CTDSPL: variants seen among roughly 807,000 people sequenced by gnomAD.
CTDSPL encodes CTD small phosphatase like.
CTDSPL carries 8 observed loss-of-function variants against 30.5 expected under a neutral mutation model. That is an observed-to-expected ratio of 0.26 (90% CI 0.15 to 0.47). CTDSPL has a LOEUF of 0.47. Ranked by LOEUF, CTDSPL falls within the 20% of genes least tolerant of loss-of-function variation. CTDSPL has a pLI of 0.99. For missense variants in CTDSPL, 248 were observed against 366.1 expected, an observed-to-expected ratio of 0.68 and a Z score of 2.63; for synonymous variants, 110 against 137.9, an observed-to-expected ratio of 0.80 and a Z score of 1.42.
chr3:37,872,539 C>CTTTTTTTTTT (rs34657967), intron 1 of CTDSPL, among the ~76,000 whole-genome samples: 1 of 51,036 alleles, frequency 2.0e-5, no homozygotes, highest in Non-Finnish European at 3.9e-5. Flanking sequence ...TACTTAGGCT[C>CTTTTTTTTTT]TTTTTTTTTT....
At chr3:37,914,274 T>C (rs1198581447) in intron 1 of CTDSPL, among the ~76,000 whole-genome samples, 1 of 152,218 alleles carries the variant, frequency 6.6e-6, no homozygotes, top group African/African-American at 2.4e-5. Flanking sequence ...CTGTTTAGTT[T>C]AGGAATTTAT....
In CTDSPL at chr3:37,981,987, T is replaced by G; in HGVS notation, c.*1120T>G. 1 of 438,910 alleles carries G rather than the reference T, an allele frequency of 2.3e-6. No homozygotes were observed. The highest frequency in any genetic ancestry group is 2.4e-5 in the Admixed American group (1 of 40,954). The allele number at this position is 438,910 out of a possible 1,614,324, so 27.2% of individuals were successfully genotyped here. ...TCGGACAGGGTCAGAAACAGAGGTG[T>G]CCCATCCCATTGCAGCCTCCACCAC... On this transcript the variant is annotated 3_prime_UTR_variant, in exon 8 of 8. Coordinates refer to ENST00000273179, the MANE Select transcript of CTDSPL (RefSeq NM_001008392.2).
intron 3 of CTDSPL, among the ~76,000 whole-genome samples, chr3:37,958,302 G>A (rs1304837885): frequency 6.6e-6 from 1 of 152,232 alleles, no homozygotes; most frequent in Non-Finnish European, 1.5e-5. Context: ...GTGCCTGAGG[G>A]TTGGGTTTTG....
At chr3:37,928,627 G>A (rs1404664907) in intron 1 of CTDSPL, among the ~76,000 whole-genome samples, 6 of 152,026 alleles carry the variant, frequency 3.9e-5, no homozygotes, top group African/African-American at 1.4e-4. Context: ...TTTGGGTTGT[G>A]GTTTGGTTTT....
chr3:37,877,164 A>G (rs1698145043), intron 1 of CTDSPL, among the ~76,000 whole-genome samples: 1 of 152,074 alleles, frequency 6.6e-6, no homozygotes, highest in African/African-American at 2.4e-5. Flanking sequence ...ATTCATTAGT[A>G]TTAAGTACAT....
intron 4 of CTDSPL, among the ~76,000 whole-genome samples, chr3:37,967,336 CT>C (rs1157838424): frequency 1.3e-5 from 2 of 152,256 alleles, no homozygotes; most frequent in Non-Finnish European, 2.9e-5. Context: ...CCCACATGGC[CT>C]TGTTACTGTT....
At chr3:37,877,270 C>T in intron 1 of CTDSPL, among the ~76,000 whole-genome samples, 1 of 152,172 alleles carries the variant, frequency 6.6e-6, no homozygotes, top group South Asian at 2.1e-4. Flanking sequence ...TCCCCATTCC[C>T]TCCTTGCCCT....
At chr3:37,959,855 T>C (rs1699215700) in intron 3 of CTDSPL, among the ~76,000 whole-genome samples, 1 of 152,208 alleles carries the variant, frequency 6.6e-6, no homozygotes, top group Non-Finnish European at 1.5e-5. Flanking sequence ...GAGTGCCTCA[T>C]ACCCTTACTG....
At chr3:37,942,302 C>G (rs1200538587) in intron 1 of CTDSPL, among the ~76,000 whole-genome samples, 1 of 150,492 alleles carries the variant, frequency 6.6e-6, no homozygotes, top group African/African-American at 2.4e-5. Flanking sequence ...AGAACCCTCA[C>G]TCATTTATGA....
chr3:37,894,797 A>G (rs897220960), intron 1 of CTDSPL, among the ~76,000 whole-genome samples: 2 of 152,134 alleles, frequency 1.3e-5, no homozygotes, highest in African/African-American at 2.4e-5. Context: ...CTATGAATCT[A>G]TCTTCAAGTT....
chr3:37,979,513 A>G (rs1340768069), intron 7 of CTDSPL, among the ~76,000 whole-genome samples: 2 of 152,138 alleles, frequency 1.3e-5, no homozygotes, highest in African/African-American at 4.8e-5. Context: ...GAGGCAGGAG[A>G]ACCCAGGAGT....
intron 6 of CTDSPL, among the ~76,000 whole-genome samples, chr3:37,974,082 A>G (rs1699398254): frequency 6.6e-6 from 1 of 152,220 alleles, no homozygotes; most frequent in East Asian, 1.9e-4. Flanking sequence ...TGTTAGTGAT[A>G]GTGTATTTTA....
intron 1 of CTDSPL, among the ~76,000 whole-genome samples, chr3:37,910,037 C>T (rs1246679807): frequency 6.6e-6 from 1 of 152,184 alleles, no homozygotes; most frequent in Non-Finnish European, 1.5e-5. Context: ...AGTGACTTAA[C>T]TTCTATGCTT....
chr3:37,941,199 A>G (rs1698973548), intron 1 of CTDSPL, among the ~76,000 whole-genome samples: 1 of 150,112 alleles, frequency 6.7e-6, no homozygotes, highest in Non-Finnish European at 1.5e-5. Flanking sequence ...GTGGATACAC[A>G]GGGACCATGC....
rs1299824260 is a variant in CTDSPL at position 37,891,843 on chromosome 3, ATCTG to A, written c.79+29571_79+29574del. Among the ~76,000 whole-genome samples, 3 of 152,294 alleles carry A rather than the reference ATCTG, an allele frequency of 2.0e-5. No individual in the cohort carries two copies. The East Asian group carries it at 5.8e-4, about 29-fold the overall frequency. On this transcript the variant is annotated intron_variant, in intron 1 of 7. Coordinates refer to ENST00000273179, the MANE Select transcript of CTDSPL (RefSeq NM_001008392.2). ...GAGAATAAGGATGGTGTACGTGTAT[ATCTG>A]TCTGTACAGCTTTGTACAACATATA...
chr3:37,905,620 C>G (rs1401139541), intron 1 of CTDSPL, among the ~76,000 whole-genome samples: 2 of 152,194 alleles, frequency 1.3e-5, no homozygotes, highest in African/African-American at 4.8e-5. Flanking sequence ...CACAGCTGGG[C>G]ACTGCAGAAG....
chr3:37,980,950 C>G lies in CTDSPL; in HGVS notation c.*83C>G. On this transcript the variant is annotated 3_prime_UTR_variant, in exon 8 of 8. Coordinates refer to ENST00000273179, the MANE Select transcript of CTDSPL (RefSeq NM_001008392.2). ...CTGCCTGTCCTCAGCTCCCTGGGAG[C>G]TGAAAGTGAGGATACTCCGTGCTCC... The G allele has an allele frequency of 6.6e-7, 1 of 1,505,344 alleles. No individual in the cohort carries two copies. The highest frequency in any genetic ancestry group is 9.0e-7 in the Non-Finnish European group (1 of 1,113,764). 93.2% of individuals were successfully genotyped at this position (1,505,344 alleles called of 1,614,324 possible).
At chr3:37,930,378 C>T (rs1306526110) in intron 1 of CTDSPL, among the ~76,000 whole-genome samples, 1 of 152,066 alleles carries the variant, frequency 6.6e-6, no homozygotes, top group Non-Finnish European at 1.5e-5. Flanking sequence ...CTCATGCCTC[C>T]AGCCTCCCAA....
At chr3:37,970,274 G>A (rs1243078282) in intron 5 of CTDSPL, among the ~76,000 whole-genome samples, 1 of 152,152 alleles carries the variant, frequency 6.6e-6, no homozygotes, top group African/African-American at 2.4e-5. Context: ...CTCCCCTTGT[G>A]AGGGGAGTTA....
Sources: allele counts gnomAD v4.1 joint callset (sites outside exome capture counted in the v4.1 genomes callset), GRCh38; gene constraint gnomAD v4.1.1; transcripts MANE v1.5; gene names NCBI Gene and HGNC (gene_info 2026-07-23, HGNC 2026-07-21).